Variants in MIGA1 observed in about 807,000 individuals in gnomAD.
MIGA1 encodes the protein mitoguardin 1.
A neutral mutation model predicts 82.0 loss-of-function variants in MIGA1; 58 were observed. The observed-to-expected ratio is 0.71, with a 90% CI of 0.57 to 0.88. The LOEUF is 0.88. Ranked by LOEUF, MIGA1 falls within the 40% of genes least tolerant of loss-of-function variation. MIGA1 has a pLI of 0.00. For synonymous variants in MIGA1, 249 were observed against 253.6 expected (o/e 0.98, Z 0.17); for missense variants, 751 against 749.1 (o/e 1.00, Z -0.03).
intron 3 of MIGA1, among the ~76,000 whole-genome samples, chr1:77,802,701 G>A (rs1682934034): frequency 6.6e-6 from 1 of 151,826 alleles, no homozygotes; most frequent in Non-Finnish European, 1.5e-5. Flanking sequence ...AGGATCACCT[G>A]ACCCAGGACG....
chr1:77,811,689 C>T (rs1327135357), intron 5 of MIGA1: 36 of 1,611,730 alleles, frequency 2.2e-5, no homozygotes, highest in Admixed American at 5.0e-5. Context: ...ACTCGTCTAT[C>T]GCCTCCACCA....
rs1646914072 is a variant in MIGA1, at chr1:77,878,750, T to C, written c.*3686T>C. ...TTCAACTAAGAGTGCTTATTTCTTC[T>C]TGAAGGTTAACATTATGTTTATTAA... On this transcript the variant is annotated 3_prime_UTR_variant, in exon 16 of 16. Transcript: ENST00000370791. 2.6e-6 allele frequency: 1 copy of C among 384,298 alleles called. No individual in the cohort carries two copies. The highest frequency in any genetic ancestry group is 3.6e-5 in the East Asian group (1 of 27,444). The allele number at this position is 384,298 out of a possible 1,614,324, so 23.8% of individuals were successfully genotyped here.
In MIGA1 at chr1:77,878,030, A is replaced by G. The variant is rs1646907232; in HGVS notation, c.*2966A>G. ...ATATCTCTTTATCGTAAGATAAGAA[A>G]CTTGAACTTTTTAAAGGAAATGTCC... On this transcript the variant is annotated 3_prime_UTR_variant, in exon 16 of 16. Transcript: ENST00000370791. The G allele has an allele frequency of 6.6e-6, 1 of 152,212 alleles. No homozygotes were observed. The highest frequency in any genetic ancestry group is 2.1e-4 in the South Asian group (1 of 4,834). 9.4% of individuals were successfully genotyped at this position (152,212 alleles called of 1,614,324 possible). A position where few individuals can be genotyped will look rare whatever the true frequency, so the allele number is the denominator to read the frequency against.
chr1:77,827,126 T>G (rs1273827502), intron 7 of MIGA1, among the ~76,000 whole-genome samples: 1 of 151,762 alleles, frequency 6.6e-6, no homozygotes, highest in Non-Finnish European at 1.5e-5. Flanking sequence ...CTTTTTTTTT[T>G]GAGATGGTGT....
chr1:77,811,346 C>T (rs1159408932), intron 5 of MIGA1: 1 of 1,607,078 alleles, frequency 6.2e-7, no homozygotes, highest in East Asian at 2.2e-5. Context: ...GGAAAAGAAT[C>T]AGGAGACCCT....
chr1:77,837,034 C>CA (rs1684461200), intron 7 of MIGA1, among the ~76,000 whole-genome samples: 1 of 152,064 alleles, frequency 6.6e-6, no homozygotes, highest in Admixed American at 6.6e-5. Context: ...AATAGTGACT[C>CA]AAAAACTATA....
At chr1:77,822,336 G>A (rs1683848289) in intron 7 of MIGA1, among the ~76,000 whole-genome samples, 1 of 152,150 alleles carries the variant, frequency 6.6e-6, no homozygotes, top group African/African-American at 2.4e-5. Context: ...TGAGGCAGGA[G>A]CTTCACTTGA....
At chr1:77,803,948 T>C (rs1399061268) in intron 4 of MIGA1, among the ~76,000 whole-genome samples, 1 of 152,138 alleles carries the variant, frequency 6.6e-6, no homozygotes. Context: ...GGATAAATGC[T>C]TAAAGATAAA....
chr1:77,840,957 G>A (rs1004640684), intron 7 of MIGA1, among the ~76,000 whole-genome samples: 2 of 152,120 alleles, frequency 1.3e-5, no homozygotes, highest in African/African-American at 4.8e-5. Context: ...TTGTACACGA[G>A]GATTAAGTTT....
Position 77,876,756 on chromosome 1 carries a change from G to A in MIGA1, c.*1692G>A, listed in dbSNP as rs928028953. 2 of 152,138 alleles carry A rather than the reference G, an allele frequency of 1.3e-5. No individual in the cohort carries two copies. The highest frequency in any genetic ancestry group is 4.8e-5 in the African/African-American group (2 of 41,432). The allele number at this position is 152,138 out of a possible 1,614,324, so 9.4% of individuals were successfully genotyped here. A position where few individuals can be genotyped will look rare whatever the true frequency, so the allele number is the denominator to read the frequency against. The stretch of plus-strand genomic sequence containing the variant: ...ATGTAAAACAAAAATATTTTTTAAT[G>A]ATGTGGAAGTATATATTTCATGTTC... On this transcript the variant is annotated 3_prime_UTR_variant, in exon 16 of 16. Transcript: ENST00000370791.
At chr1:77,848,819 A>G (rs1684939526) in intron 8 of MIGA1, 5 of 1,165,182 alleles carry the variant, frequency 4.3e-6, no homozygotes, top group Middle Eastern at 2.1e-4. Context: ...CCCCAAGAGA[A>G]AGATTTAAGG....
rs537916889 is a variant in MIGA1 at position 77,798,828 on chromosome 1, T to A, written c.196-2503T>A. Among the ~76,000 whole-genome samples the A allele has an allele frequency of 2.0e-5, 3 of 152,318 alleles. No homozygotes were observed. In the South Asian group the frequency reaches 6.2e-4, roughly 32 times the overall value. On this transcript the variant is annotated intron_variant, in intron 2 of 15. Transcript: ENST00000370791. ...ACCCTATTTTCAAATATGATCACAT[T>A]CTGATGTTCCAGGTGGACATGAATC...
chr1:77,872,883 A>G (rs2101986483), intron 14 of MIGA1, 121 bp from the exon 15 acceptor site: 1 of 1,363,388 alleles, frequency 7.3e-7, no homozygotes, highest in East Asian at 2.3e-5. Context: ...TCTGGTTCTA[A>G]AAAACAAATT....
intron 6 of MIGA1, 95 bp downstream of exon 6, chr1:77,813,962 C>T (rs1029739359): frequency 8.2e-6 from 11 of 1,334,176 alleles, no homozygotes; most frequent in Non-Finnish European, 9.4e-6. Context: ...CTGTTGTTAC[C>T]CAGGCTGAGT....
chr1:77,878,869 ATTC>A lies in MIGA1; in HGVS notation c.*3808_*3810del, dbSNP rs1646914965. On this transcript the variant is annotated 3_prime_UTR_variant, in exon 16 of 16. Coordinates refer to ENST00000370791, the MANE Select transcript of MIGA1 (RefSeq NM_198549.4). Reference sequence around the variant, plus strand: ...AACTTTGTCTTTCTCATAAAGTAATATTCTTTATTTGCATCCATTTACTATGAT... The same window carrying A: ...AACTTTGTCTTTCTCATAAAGTAATATTTATTTGCATCCATTTACTATGAT... 10 of 365,486 alleles carry A rather than the reference ATTC, an allele frequency of 2.7e-5. No homozygotes were observed. In the East Asian group the frequency reaches 3.8e-4, roughly 14 times the overall value. 22.6% of individuals were successfully genotyped at this position (365,486 alleles called of 1,614,324 possible). A position where few individuals can be genotyped will look rare whatever the true frequency, so the allele number is the denominator to read the frequency against.
Position 77,859,373 on chromosome 1 carries a change from G to A in MIGA1, c.1175G>A (p.Arg392Gln). 6 of 1,613,390 alleles carry A rather than the reference G, an allele frequency of 3.7e-6. No individual in the cohort carries two copies. Among genetic ancestry groups the A allele is most frequent in the East Asian group, 2.2e-5 (1 of 44,860 alleles). ...TTTCTTGCCAAACTTCACTGTATTC[G>A]ACAGGCTTTTCAGGTATTTTTTTAA... Residue 392 changes from arginine (R) to glutamine (Q), a missense_variant, in exon 10 of 16, where the codon CGA becomes CAA. Coordinates refer to ENST00000370791, the MANE Select transcript of MIGA1 (RefSeq NM_198549.4).
At chr1:77,784,378 C>A (rs1249357028) in intron 2 of MIGA1, among the ~76,000 whole-genome samples, 1 of 152,062 alleles carries the variant, frequency 6.6e-6, no homozygotes, top group African/African-American at 2.4e-5. Context: ...GCATGTGCCA[C>A]CATCTCTCCA....
intron 7 of MIGA1, among the ~76,000 whole-genome samples, chr1:77,819,404 C>T (rs1428438709): frequency 6.6e-6 from 1 of 151,830 alleles, no homozygotes; most frequent in Non-Finnish European, 1.5e-5. Flanking sequence ...CTGCCTCAGC[C>T]TCCTGAGTAG....
intron 7 of MIGA1, among the ~76,000 whole-genome samples, chr1:77,817,955 A>ATTTTTT (rs10676009): frequency 1.7e-5 from 2 of 115,608 alleles, no homozygotes; most frequent in African/African-American, 3.4e-5. Context: ...AGATTGGAAG[A>ATTTTTT]TTTTTTTTTT....
Sources: gnomAD v4.1 joint callset for allele counts (sites outside exome capture counted in the v4.1 genomes callset) on GRCh38, gnomAD v4.1.1 for gene constraint, MANE v1.5 for transcripts, NCBI Gene and HGNC (gene_info 2026-07-23, HGNC 2026-07-21) for gene names.